The following LTBP3 variants were observed in gnomAD, a reference collection of about 807,000 sequenced individuals.
The protein encoded by LTBP3 is latent transforming growth factor beta binding protein 3.
In LTBP3, 97 loss-of-function variants were observed where a neutral mutation model predicts 159.7. The observed-to-expected ratio is 0.61, with a 90% confidence interval of 0.52 to 0.72. The LOEUF (loss-of-function observed/expected upper bound fraction) is 0.72. LTBP3 is among the 30% of genes least tolerant of loss of function. The pLI is 0.00. For missense variants in LTBP3, 1,584 were observed against 1,864.3 expected, an observed-to-expected ratio of 0.85 and a Z score of 2.77; for synonymous variants, 824 against 777.1, an observed-to-expected ratio of 1.06 and a Z score of -1.00.
chr11:65,548,374 C>T, intron 11 of LTBP3: 1 of 576,860 alleles, frequency 1.7e-6, no homozygotes, highest in Admixed American at 3.1e-5. Flanking sequence ...CCCAGTACTC[C>T]CACCCAAGGG....
At chr11:65,551,075 TA>T in intron 11 of LTBP3, 50 bp downstream of exon 11, 1 of 1,470,102 alleles carries the variant, frequency 6.8e-7, no homozygotes. Flanking sequence ...GAGAGAAAAC[TA>T]AAGTGGGGGC....
rs2135158323 is a variant in LTBP3 at position 65,553,809 on chromosome 11, G to A, written c.756C>T (p.Ser252=). 1 of 1,562,136 alleles carries A rather than the reference G, an allele frequency of 6.4e-7. No homozygotes were observed. The highest frequency in any genetic ancestry group is 1.8e-5 in the Admixed American group (1 of 54,218). ...VHRIESSNAE[S]AAPSQHLLPH... Reference sequence around the variant, plus strand: ...GCAGCAGGTGCTGGGAGGGGGCTGCGCTCTCGGCGTTCGAGCTCTCAATGC... The same window carrying A: ...GCAGCAGGTGCTGGGAGGGGGCTGCACTCTCGGCGTTCGAGCTCTCAATGC... Residue 252 remains serine (S), a synonymous_variant, in exon 3 of 28, where the codon AGC becomes AGT. Transcript: ENST00000301873. This position sits in a 1 kb window ranked among gnomAD's most constrained non-coding sequence, Gnocchi z 6.5.
At chr11:65,556,250 G>A (rs886486807) in intron 1 of LTBP3, among the ~76,000 whole-genome samples, 5 of 152,134 alleles carry the variant, frequency 3.3e-5, no homozygotes, top group African/African-American at 4.8e-5. Flanking sequence ...ACATTTGGCC[G>A]GGCGCAGTGG....
Position 65,557,898 on chromosome 11 carries a change from G to A in LTBP3, c.62C>T (p.Ala21Val). 1.6e-6 allele frequency: 2 copies of A among 1,270,156 alleles called. No individual in the cohort carries two copies. Among genetic ancestry groups the A allele is most frequent in the East Asian group, 4.0e-5 (1 of 25,262 alleles). The allele number at this position is 1,270,156 out of a possible 1,614,324, so 78.7% of individuals were successfully genotyped here. A position where few individuals can be genotyped will look rare whatever the true frequency, so the allele number is the denominator to read the frequency against. Residue 21 changes from alanine (A) to valine (V), a missense_variant, in exon 1 of 28, where the codon GCG becomes GTG. Ala to Val is a moderately conservative substitution (Grantham distance 64). Transcript: ENST00000301873. The part of the protein sequence containing the change: ...LAPEMRGAGA[A>V]GLLALLLLLL... The stretch of plus-strand genomic sequence containing the variant: ...CAGCAGCAGCAGCGCCAGCAGCCCC[G>A]CCGCCCCCGCCCCGCGCATCTCAGG...
At chr11:65,548,430 T>C in intron 11 of LTBP3, 1 of 449,464 alleles carries the variant, frequency 2.2e-6, no homozygotes, top group Non-Finnish European at 4.1e-6. Flanking sequence ...TTAAACTCTA[T>C]AGCCTCGGTC....
At position 65,539,895 on chromosome 11, in the gene LTBP3, C is replaced by G; in HGVS notation, c.3386-14G>C. The G allele has an allele frequency of 8.0e-6, 12 of 1,507,422 alleles. No individual in the cohort carries two copies. The highest frequency in any genetic ancestry group is 4.4e-6 in the Non-Finnish European group (5 of 1,135,074). 93.4% of individuals were successfully genotyped at this position (1,507,422 alleles called of 1,614,324 possible). A position where few individuals can be genotyped will look rare whatever the true frequency, so the allele number is the denominator to read the frequency against. On this transcript the variant is annotated splice_polypyrimidine_tract_variant and intron_variant, in intron 24 of 27. Coordinates refer to ENST00000301873, the MANE Select transcript of LTBP3 (RefSeq NM_001130144.3). The stretch of plus-strand genomic sequence containing the variant: ...CCGGGGCACGCTCTGCGGAAGACAC[C>G]TGGCATCAGGGGAGGGGCCCAAGGC...
At position 65,557,692 on chromosome 11, in the gene LTBP3, T is replaced by C; in HGVS notation, c.268A>G (p.Met90Val). The change falls in exon 1 of 28, where the codon ATG (methionine) becomes GTG (valine). Residue 90 changes from methionine (M) to valine (V), a missense_variant. Around this residue, in one of 6 missense-constraint regions of LTBP3, gnomAD observed 76 missense variants for 133.3 expected, o/e 0.57. Transcript: ENST00000301873. ...CRDSCQQGSN[M>V]TLIGENGHST... is the part of the protein sequence containing the mutation. Reference sequence around the variant, plus strand: ...TGGCCGTTCTCTCCGATGAGCGTCATGTTGGAGCCCTGCTGACAACTGTCC... The same window carrying C: ...TGGCCGTTCTCTCCGATGAGCGTCACGTTGGAGCCCTGCTGACAACTGTCC... The C allele has an allele frequency of 6.2e-7, 1 of 1,610,756 alleles. No individual in the cohort carries two copies. Among genetic ancestry groups the C allele is most frequent in the Admixed American group, 1.7e-5 (1 of 60,018 alleles).
intron 24 of LTBP3, 62 bp downstream of exon 24, chr11:65,539,951 T>TGC (rs1856006145): frequency 6.8e-7 from 1 of 1,459,936 alleles, no homozygotes. Context: ...CCACCCCACC[T>TGC]GCGCGGGGGC....
intron 8 of LTBP3, 62 bp downstream of exon 8, chr11:65,551,910 G>T: frequency 1.3e-6 from 2 of 1,558,182 alleles, no homozygotes; most frequent in Non-Finnish European, 8.8e-7. Flanking sequence ...GTGGATCACG[G>T]GTCAAGGGGT....
rs1565091712 is a variant in LTBP3 at position 65,542,976 on chromosome 11, A to ATGGATG, written c.2596+128_2596+129insCATCCA. 7.4e-6 allele frequency: 7 copies of ATGGATG among 943,842 alleles called. No individual in the cohort carries two copies. The African/African-American group carries it at 2.2e-4, about 30-fold the overall frequency. 58.5% of individuals were successfully genotyped at this position (943,842 alleles called of 1,614,324 possible). On this transcript the variant is annotated intron_variant, in intron 18 of 27. Coordinates refer to ENST00000301873, the MANE Select transcript of LTBP3 (RefSeq NM_001130144.3). ...TGGATGGATGGATGGATGGATGGATAGATGGATGGATGGATGGATGAAGGA... is the reference window on the plus strand; with the variant it reads ...TGGATGGATGGATGGATGGATGGATATGGATGGATGGATGGATGGATGGATGAAGGA...
In LTBP3 at chr11:65,547,266, C is replaced by A. The variant is rs1013427509; in HGVS notation, c.2107+173G>T. On this transcript the variant is annotated intron_variant, in intron 14 of 27. Coordinates refer to ENST00000301873, the MANE Select transcript of LTBP3 (RefSeq NM_001130144.3). The surrounding 1 kb of genome is among the most constrained non-coding windows in gnomAD (Gnocchi z 4.6). The stretch of plus-strand genomic sequence containing the variant: ...GGCTGAGGCAGGAGAATCGCTTGAA[C>A]CCGGGAGGCGGAGGTTGCAGTGAGC... Among the ~76,000 whole-genome samples the A allele has an allele frequency of 6.6e-6, 1 of 151,968 alleles. No homozygotes were observed. The highest frequency in any genetic ancestry group is 2.4e-5 in the African/African-American group (1 of 41,368).
intron 16 of LTBP3, chr11:65,545,611 G>T: frequency 4.3e-6 from 1 of 230,162 alleles, no homozygotes; most frequent in Non-Finnish European, 8.6e-6. Flanking sequence ...CAATATCATC[G>T]TCTCATGGCC....
In LTBP3 at chr11:65,552,321, G is replaced by T. The variant is rs893529144; in HGVS notation, c.1272C>A (p.Thr424=). ...QCQHPLTTRL[T]RQLCCCSVGK... is the part of the protein sequence containing the mutation. Reference sequence around the variant, plus strand: ...CGACACTGCAGCAGCAGAGCTGGCGGGTCAGGCGGGTGGTCAGTGGGTGCT... The same window carrying T: ...CGACACTGCAGCAGCAGAGCTGGCGTGTCAGGCGGGTGGTCAGTGGGTGCT... The change falls in exon 7 of 28, where the codon ACC becomes ACA. Residue 424 remains threonine, a synonymous_variant. Transcript: ENST00000301873. The surrounding 1 kb of genome is among the most constrained non-coding windows in gnomAD (Gnocchi z 6.0). 1.9e-6 allele frequency: 3 copies of T among 1,614,110 alleles called. No individual in the cohort carries two copies. Among genetic ancestry groups the T allele is most frequent in the East Asian group, 2.2e-5 (1 of 44,888 alleles).
rs1565085502 is a variant in LTBP3, at chr11:65,539,110, G to GT, written c.3881dup (p.His1294GlnfsTer56). 6.8e-7 allele frequency: 1 copy of GT among 1,470,226 alleles called. No individual in the cohort carries two copies. Among genetic ancestry groups the GT allele is most frequent in the South Asian group, 1.3e-5 (1 of 79,400 alleles). 91.1% of individuals were successfully genotyped at this position (1,470,226 alleles called of 1,614,324 possible). On this transcript the variant is annotated frameshift_variant, in exon 28 of 28. Coordinates refer to ENST00000301873, the MANE Select transcript of LTBP3 (RefSeq NM_001130144.3). LOFTEE classifies it high-confidence loss of function. ...GGCGGCGCTGGGGAACGCAGGCCCC[G>GT]TGCGGGCGGCTGCGCGCGAAGCCGG... is the stretch of plus-strand genomic sequence containing the variant.
intron 18 of LTBP3, 113 bp from the exon 19 acceptor site, chr11:65,541,841 G>A: frequency 8.0e-7 from 1 of 1,251,288 alleles, no homozygotes; most frequent in Non-Finnish European, 1.1e-6. Context: ...TTCAAAGTAT[G>A]TACAGCAGGA....
Position 65,540,857 on chromosome 11 carries a change from C to T in LTBP3, c.2977+14G>A. 1 of 1,606,522 alleles carries T rather than the reference C, an allele frequency of 6.2e-7. No homozygotes were observed. Among genetic ancestry groups the T allele is most frequent in the Non-Finnish European group, 8.5e-7 (1 of 1,176,688 alleles). ...TGAGAGGGCGCGGGGCGGGCGGAGC[C>T]GCAGGGCGCTTACCACGGTGGGCTG... On this transcript the variant is annotated intron_variant, in intron 21 of 27. Transcript: ENST00000301873.
In LTBP3 at chr11:65,553,184, A is replaced by C. The variant is rs201889974; in HGVS notation, c.1043T>G (p.Leu348Arg). Residue 348 changes from leucine to arginine, a missense_variant, in exon 5 of 28, where the codon CTT (leucine) becomes CGT (arginine). By Grantham distance (102) the Leu-to-Arg change is moderately radical. This residue lies in a region of LTBP3 where 156 missense variants were observed against 259.7 expected (regional missense o/e 0.60). Coordinates refer to ENST00000301873, the MANE Select transcript of LTBP3 (RefSeq NM_001130144.3). The surrounding 1 kb of genome is among the most constrained non-coding windows in gnomAD (Gnocchi z 6.5). ...CATACCCTGGCAGTGGGTGCTGTTA[A>C]GCCTCTTGTAGCCCTGGGGACAGTC... ...GADCPQGYKR[L>R]NSTHCQDINE... 12 of 1,614,136 alleles carry C rather than the reference A, an allele frequency of 7.4e-6. No homozygotes were observed. The African/African-American group carries it at 1.6e-4, about 22-fold the overall frequency.
intron 16 of LTBP3, 108 bp from the exon 17 acceptor site, chr11:65,543,657 G>T: frequency 7.2e-7 from 1 of 1,394,862 alleles, no homozygotes; most frequent in Non-Finnish European, 1.0e-6. Flanking sequence ...GAGGCCAGCA[G>T]CACTCAGAAG....
rs1856402091 is a variant in LTBP3 at position 65,547,019 on chromosome 11, G to C, written c.2108-99C>G. Reference sequence around the variant, plus strand: ...GGGACTTCCTCCCACACAGATCAACGAGGCTCCCGGACCCCAACCTCTGAG... The same window carrying C: ...GGGACTTCCTCCCACACAGATCAACCAGGCTCCCGGACCCCAACCTCTGAG... On this transcript the variant is annotated intron_variant, in intron 14 of 27. Coordinates refer to ENST00000301873, the MANE Select transcript of LTBP3 (RefSeq NM_001130144.3). The surrounding 1 kb of genome is among the most constrained non-coding windows in gnomAD (Gnocchi z 4.6). 6.5e-7 allele frequency: 1 copy of C among 1,541,486 alleles called. No homozygotes were observed. Among genetic ancestry groups the C allele is most frequent in the Non-Finnish European group, 8.8e-7 (1 of 1,133,618 alleles).
Sources: allele counts gnomAD v4.1 joint callset (sites outside exome capture counted in the v4.1 genomes callset), GRCh38; gene constraint gnomAD v4.1.1; regional missense constraint gnomAD v4.1.1; non-coding constraint Gnocchi (gnomAD v3.1); transcripts MANE v1.5; gene names NCBI Gene and HGNC (gene_info 2026-07-23, HGNC 2026-07-21).